RAB27A: variants seen among roughly 807,000 people sequenced by gnomAD.
The protein encoded by RAB27A is ras-related protein Rab-27A.
In RAB27A, 17 loss-of-function variants were observed where a neutral mutation model predicts 20.8. The ratio of observed to expected loss-of-function variants is 0.82; its 90% CI spans 0.56 to 1.23. The LOEUF (loss-of-function observed/expected upper bound fraction) is 1.23. Among genes scored for constraint, RAB27A ranks in the 50% most tolerant of loss-of-function variants. The probability of loss-of-function intolerance (pLI) is 0.00; values close to 1 mark genes in which losing one functional copy is unlikely to be tolerated. For synonymous variants in RAB27A, 85 were observed against 92.8 expected, an observed-to-expected ratio of 0.92 and a Z score of 0.48; for missense variants, 277 against 266.7, an observed-to-expected ratio of 1.04 and a Z score of -0.27.
rs975614631 is a variant in RAB27A at position 55,316,274 on chromosome 15, G to T, written c.-233-2114C>A. 4.6e-5 allele frequency among the ~76,000 whole-genome samples: 7 copies of T among 151,740 alleles called. No individual in the cohort carries two copies. In the East Asian group the frequency reaches 1.4e-3, roughly 29 times the overall value. On this transcript the variant is annotated intron_variant, in intron 1 of 5. Transcript: ENST00000563262. ...AAAAAGAATTTATGTACTTTGTAGGGACATGGATGAAGCTGGAAACCATCA... is the reference window on the plus strand; with the variant it reads ...AAAAAGAATTTATGTACTTTGTAGGTACATGGATGAAGCTGGAAACCATCA...
rs143719577 is a variant in RAB27A at position 55,223,973 on chromosome 15, A to G, written c.383T>C (p.Ile128Thr). Reference sequence around the variant, plus strand: ...ATCACTCTTGTTTCCACACAGCACTATATCTGGGTTTTCACAATATGCATG... The same window carrying G: ...ATCACTCTTGTTTCCACACAGCACTGTATCTGGGTTTTCACAATATGCATG... The part of the protein sequence containing the change: ...QMHAYCENPD[I>T]VLCGNKSDLE... Residue 128 changes from isoleucine (I) to threonine (T), a missense_variant, in exon 6 of 7, where the codon ATA becomes ACA. Transcript: ENST00000336787. The G allele has an allele frequency of 1.7e-5, 28 of 1,608,742 alleles. No individual in the cohort carries two copies. In the African/African-American group the frequency reaches 3.1e-4, roughly 18 times the overall value.
At chr15:55,224,264 A>G (rs1895709099) in intron 5 of RAB27A, among the ~76,000 whole-genome samples, 1 of 152,238 alleles carries the variant, frequency 6.6e-6, no homozygotes, top group South Asian at 2.1e-4. Context: ...CTACCTCTCA[A>G]GTGTGAGGGC....
chr15:55,300,422 G>A (rs1450166200), intron 2 of RAB27A, among the ~76,000 whole-genome samples: 1 of 152,106 alleles, frequency 6.6e-6, no homozygotes, highest in African/African-American at 2.4e-5. Context: ...GCTCACACCT[G>A]TAATTTCAGC....
intron 2 of RAB27A, among the ~76,000 whole-genome samples, chr15:55,240,607 G>C (rs1307136867): frequency 6.6e-6 from 1 of 151,478 alleles, no homozygotes; most frequent in Admixed American, 6.6e-5. Flanking sequence ...ATTGTTGAGA[G>C]ACAGGAAAAA....
At chr15:55,237,805 T>C (rs1896321611) in intron 2 of RAB27A, among the ~76,000 whole-genome samples, 2 of 151,464 alleles carry the variant, frequency 1.3e-5, no homozygotes. Flanking sequence ...TATTTATTTT[T>C]AATTTGAAAA....
At chr15:55,238,177 T>C (rs1332746388) in intron 2 of RAB27A, 1 of 152,152 alleles carries the variant, frequency 6.6e-6, no homozygotes, top group Non-Finnish European at 1.5e-5. Flanking sequence ...TGAAAATAAA[T>C]GTTCAGACCT....
intron 5 of RAB27A, among the ~76,000 whole-genome samples, chr15:55,227,163 A>G (rs969388784): frequency 1.3e-5 from 2 of 152,234 alleles, no homozygotes; most frequent in African/African-American, 4.8e-5. Context: ...ATACATATGT[A>G]TACATATTTT....
chr15:55,278,767 C>G (rs1010818502), intron 1 of RAB27A, among the ~76,000 whole-genome samples: 7 of 152,286 alleles, frequency 4.6e-5, no homozygotes, highest in Non-Finnish European at 8.8e-5. Flanking sequence ...CAGGCGTGAG[C>G]CACCGCACCT....
At chr15:55,236,749 G>A (rs1359763368) in intron 2 of RAB27A, among the ~76,000 whole-genome samples, 1 of 151,806 alleles carries the variant, frequency 6.6e-6, no homozygotes, top group Non-Finnish European at 1.5e-5. Flanking sequence ...TATTTTTATG[G>A]GGTACATGTA....
In RAB27A at chr15:55,278,771, C is replaced by T. The variant is rs1391265826; in HGVS notation, c.-142-8487G>A. 2.0e-5 allele frequency among the ~76,000 whole-genome samples: 3 copies of T among 152,114 alleles called. No homozygotes were observed. The East Asian group carries it at 5.8e-4, about 29-fold the overall frequency. ...TGCTGGGATTACAGGCGTGAGCCAC[C>T]GCACCTGGCCCAGTCTTCTAATTAT... On this transcript the variant is annotated intron_variant, in intron 1 of 6. Coordinates refer to ENST00000336787, the MANE Select transcript of RAB27A (RefSeq NM_183235.3).
intron 6 of RAB27A, among the ~76,000 whole-genome samples, chr15:55,217,793 T>C (rs968471217): frequency 2.0e-5 from 3 of 151,014 alleles, no homozygotes; most frequent in African/African-American, 4.9e-5. Flanking sequence ...CATGGAGCCG[T>C]ATTGCCAAAG....
intron 2 of RAB27A, among the ~76,000 whole-genome samples, chr15:55,264,318 T>A (rs1056677432): frequency 2.6e-5 from 4 of 152,216 alleles, no homozygotes; most frequent in Non-Finnish European, 1.5e-5. Flanking sequence ...CCCAAAGTAC[T>A]GGGATTACTT....
intron 2 of RAB27A, among the ~76,000 whole-genome samples, chr15:55,255,153 G>A (rs993856682): frequency 3.9e-5 from 6 of 152,110 alleles, no homozygotes; most frequent in Admixed American, 1.3e-4. Flanking sequence ...TTGTTTCAAC[G>A]GCAACATCCT....
intron 5 of RAB27A, among the ~76,000 whole-genome samples, chr15:55,226,209 C>T (rs1895788481): frequency 6.6e-6 from 1 of 152,160 alleles, no homozygotes; most frequent in African/African-American, 2.4e-5. Flanking sequence ...CTCCTCTGAA[C>T]TCCAGGAAGA....
chr15:55,281,431 G>A (rs1898013208), intron 1 of RAB27A, among the ~76,000 whole-genome samples: 1 of 152,190 alleles, frequency 6.6e-6, no homozygotes, highest in Non-Finnish European at 1.5e-5. Flanking sequence ...TAAAGTCCAG[G>A]ATAGGCACAG....
Position 55,279,281 on chromosome 15 carries a change from C to CT in RAB27A, c.-142-8998dup, listed in dbSNP as rs1897954484. 2.0e-5 allele frequency among the ~76,000 whole-genome samples: 3 copies of CT among 152,162 alleles called. No individual in the cohort carries two copies. The South Asian group carries it at 6.2e-4, about 32-fold the overall frequency. On this transcript the variant is annotated intron_variant, in intron 1 of 6. Transcript: ENST00000336787. ...GGACAACACAGAACCTCAGAGAAGC[C>CT]TTGAGGGGCAACTGGTCAACCAATT...
chr15:55,237,769 G>A (rs1261670255), intron 2 of RAB27A, among the ~76,000 whole-genome samples: 1 of 152,068 alleles, frequency 6.6e-6, no homozygotes, highest in Non-Finnish European at 1.5e-5. Context: ...AATGATGCAA[G>A]AAGACACTGT....
At chr15:55,212,776 G>T (rs1373026802) in intron 6 of RAB27A, among the ~76,000 whole-genome samples, 2 of 152,150 alleles carry the variant, frequency 1.3e-5, no homozygotes, top group Middle Eastern at 3.4e-3. Context: ...TGATCCACCC[G>T]CCTCGGCCTC....
chr15:55,208,195 C>T (rs898521727), intron 6 of RAB27A, among the ~76,000 whole-genome samples: 1 of 152,076 alleles, frequency 6.6e-6, no homozygotes, highest in African/African-American at 2.4e-5. Flanking sequence ...ATCAACATGG[C>T]AAAAATTAAA....
Sources: gnomAD v4.1 joint callset for allele counts (sites outside exome capture counted in the v4.1 genomes callset) on GRCh38, gnomAD v4.1.1 for gene constraint, MANE v1.5 for transcripts, NCBI Gene and HGNC (gene_info 2026-07-23, HGNC 2026-07-21) for gene names.